Variants in DYNC2I1 observed in about 807,000 individuals in gnomAD.
DYNC2I1 encodes cytoplasmic dynein 2 intermediate chain 1.
Under a neutral mutation model 133.4 loss-of-function variants are expected in DYNC2I1, and 89 were observed. The observed-to-expected ratio is 0.67, with a 90% CI of 0.56 to 0.80. The LOEUF (loss-of-function observed/expected upper bound fraction) is 0.80. DYNC2I1 is among the 30% of genes least tolerant of loss of function. The probability of loss-of-function intolerance (pLI) is 0.00; values close to 1 mark genes in which losing one functional copy is unlikely to be tolerated. For missense variants in DYNC2I1, 1,291 were observed against 1,314.5 expected (o/e 0.98, Z 0.28); for synonymous variants, 504 against 484.3 (o/e 1.04, Z -0.54).
chr7:158,893,434 C>T (rs1288458956), intron 8 of DYNC2I1, among the ~76,000 whole-genome samples: 2 of 152,164 alleles, frequency 1.3e-5, no homozygotes, highest in African/African-American at 4.8e-5. Flanking sequence ...GCCCAGCCTA[C>T]CTTAAATGTG....
chr7:158,876,393 A>G (rs1843360633), intron 3 of DYNC2I1, among the ~76,000 whole-genome samples: 1 of 152,176 alleles, frequency 6.6e-6, no homozygotes, highest in Non-Finnish European at 1.5e-5. Context: ...TCCAAACCAT[A>G]TCACTTAGAT....
chr7:158,914,149 A>G, intron 13 of DYNC2I1, 84 bp from the exon 14 acceptor site: 1 of 1,036,126 alleles, frequency 9.7e-7, no homozygotes, highest in Non-Finnish European at 1.4e-6. Flanking sequence ...TTGATTTGTT[A>G]GGCCTGTTTG....
intron 6 of DYNC2I1, among the ~76,000 whole-genome samples, chr7:158,886,430 G>T (rs113741255): frequency 6.6e-6 from 1 of 152,070 alleles, no homozygotes; most frequent in Non-Finnish European, 1.5e-5. Context: ...CACTGCGCCC[G>T]GCCGAGAACT....
rs1300136688 is a variant in DYNC2I1 at position 158,857,162 on chromosome 7, C to T, written c.15+412C>T. 8.5e-5 allele frequency among the ~76,000 whole-genome samples: 13 copies of T among 152,214 alleles called. 1 individual carries two copies. The highest frequency in any genetic ancestry group is 1.9e-4 in the Non-Finnish European group (13 of 68,024). On this transcript the variant is annotated intron_variant, in intron 1 of 24. Coordinates refer to ENST00000407559, the MANE Select transcript of DYNC2I1 (RefSeq NM_018051.5). Reference sequence around the variant, plus strand: ...CACAGTTTAAGAGGTTGAGAGAGTGCAGCCTGGGTGCTTGAGTTTGAATTC... The same window carrying T: ...CACAGTTTAAGAGGTTGAGAGAGTGTAGCCTGGGTGCTTGAGTTTGAATTC...
chr7:158,888,711 C>A (rs1844867956), intron 7 of DYNC2I1, among the ~76,000 whole-genome samples: 1 of 152,036 alleles, frequency 6.6e-6, no homozygotes, highest in South Asian at 2.1e-4. Flanking sequence ...CTTAGGTGAT[C>A]CACCTGCTTT....
intron 4 of DYNC2I1, among the ~76,000 whole-genome samples, chr7:158,952,721 CAG>C (rs985449702): frequency 2.0e-5 from 3 of 151,484 alleles, no homozygotes; most frequent in African/African-American, 7.3e-5. Flanking sequence ...CATCGTAAGA[CAG>C]AGTCCGCACC....
At chr7:158,957,323 T>C (rs1852222505), downstream of DYNC2I1, among the ~76,000 whole-genome samples, 1 of 152,248 alleles carries the variant, frequency 6.6e-6, no homozygotes, top group African/African-American at 2.4e-5. Flanking sequence ...GGGCTGCTCC[T>C]GTGGGGCCGA....
chr7:158,953,119 C>G (rs1260085482), intron 4 of DYNC2I1, among the ~76,000 whole-genome samples: 1 of 152,162 alleles, frequency 6.6e-6, no homozygotes, highest in East Asian at 1.9e-4. Flanking sequence ...TTCCTACCCT[C>G]CTCGCCCACC....
the DYNC2I1 span, among the ~76,000 whole-genome samples, chr7:158,839,895 G>A: frequency 2.0e-5 from 3 of 151,816 alleles, no homozygotes; most frequent in East Asian, 1.9e-4. Context: ...ATCTTGTCTC[G>A]CGGCAGCCCC....
At chr7:158,876,092 C>T (rs73167266) in intron 3 of DYNC2I1, among the ~76,000 whole-genome samples, 20 of 152,274 alleles carry the variant, frequency 1.3e-4, no homozygotes, top group African/African-American at 2.6e-4. Context: ...AATTGACTCA[C>T]CATTGTGCGG....
At chr7:158,896,994 T>TGA in intron 8 of DYNC2I1, among the ~76,000 whole-genome samples, 1 of 150,888 alleles carries the variant, frequency 6.6e-6, no homozygotes, top group East Asian at 1.9e-4. Flanking sequence ...TCTTTTTTTT[T>TGA]TTTTTTTGAG....
At chr7:158,947,367 A>G (rs1406795118), downstream of DYNC2I1, among the ~76,000 whole-genome samples, 1 of 152,196 alleles carries the variant, frequency 6.6e-6, no homozygotes, top group African/African-American at 2.4e-5. Context: ...AGACTGAGGT[A>G]AGTTCTTAGC....
At chr7:158,951,223 C>A (rs1852044167) in intron 4 of DYNC2I1, among the ~76,000 whole-genome samples, 1 of 152,230 alleles carries the variant, frequency 6.6e-6, no homozygotes, top group South Asian at 2.1e-4. Context: ...GAATGCTGGA[C>A]CTGTTTTATG....
upstream of DYNC2I1, among the ~76,000 whole-genome samples, chr7:158,853,655 GTT>G (rs34498148): frequency 4.3e-3 from 605 of 140,018 alleles, 2 homozygotes; most frequent in African/African-American, 0.013. Flanking sequence ...GAGACCAGAG[GTT>G]TTTTTTTTTT....
chr7:158,936,600 C>G (rs1236533767), intron 23 of DYNC2I1, among the ~76,000 whole-genome samples: 3 of 152,254 alleles, frequency 2.0e-5, no homozygotes, highest in Admixed American at 6.5e-5. Flanking sequence ...AGAAATACCC[C>G]TGAGGACACC....
At chr7:158,953,602 G>C (rs1852117237) in intron 4 of DYNC2I1, among the ~76,000 whole-genome samples, 1 of 152,126 alleles carries the variant, frequency 6.6e-6, no homozygotes, top group Non-Finnish European at 1.5e-5. Flanking sequence ...AAACATAGCT[G>C]GGGGCGAATG....
chr7:158,909,277 G>A lies in DYNC2I1; in HGVS notation c.1461-2273G>A, dbSNP rs372024343. On this transcript the variant is annotated intron_variant, in intron 11 of 24. Transcript: ENST00000407559. ...ACCTGGGAGGTGGAGGTTGCAGCGA[G>A]CTGAGATCGCACCACTGCACTACAG... Among the ~76,000 whole-genome samples, 24 of 141,526 alleles carry A rather than the reference G, an allele frequency of 1.7e-4. No individual in the cohort carries two copies. In the East Asian group the frequency reaches 4.5e-3, roughly 27 times the overall value. The allele number at this position is 141,526 out of a possible 152,430, so 92.8% of individuals were successfully genotyped here.
At chr7:158,846,441 G>C in the DYNC2I1 span, among the ~76,000 whole-genome samples, 1 of 151,906 alleles carries the variant, frequency 6.6e-6, no homozygotes, top group Non-Finnish European at 1.5e-5. Context: ...CAAGAAAGAG[G>C]GATATTTAAG....
At chr7:158,865,078 C>T (rs931132050) in intron 1 of DYNC2I1, among the ~76,000 whole-genome samples, 3 of 152,178 alleles carry the variant, frequency 2.0e-5, no homozygotes, top group African/African-American at 4.8e-5. Flanking sequence ...CACACCCACT[C>T]GTAGTGGGGG....
Sources: allele counts gnomAD v4.1 joint callset (sites outside exome capture counted in the v4.1 genomes callset), GRCh38; gene constraint gnomAD v4.1.1; transcripts MANE v1.5; gene names NCBI Gene and HGNC (gene_info 2026-07-23, HGNC 2026-07-21).